MYH15: variants seen among roughly 807,000 people sequenced by gnomAD.
MYH15 encodes the protein myosin-15.
A neutral mutation model predicts 240.5 loss-of-function variants in MYH15; 227 were observed. That is an observed-to-expected ratio of 0.94 (90% CI 0.85 to 1.05). The LOEUF (loss-of-function observed/expected upper bound fraction) is 1.05. MYH15 is among the 50% of genes least tolerant of loss of function. MYH15 has a pLI of 0.00. For synonymous variants in MYH15, 785 were observed against 796.7 expected, an observed-to-expected ratio of 0.99 and a Z score of 0.25; for missense variants, 2,217 against 2,247.5, an observed-to-expected ratio of 0.99 and a Z score of 0.27.
chr3:108,445,668 T>A (rs1485346633), intron 21 of MYH15, among the ~76,000 whole-genome samples: 1 of 151,896 alleles, frequency 6.6e-6, no homozygotes, highest in Non-Finnish European at 1.5e-5. Flanking sequence ...ACAAACCACA[T>A]ATAGGAAAAT....
chr3:108,397,675 G>A (rs761914812), intron 35 of MYH15, among the ~76,000 whole-genome samples: 1 of 152,178 alleles, frequency 6.6e-6, no homozygotes, highest in East Asian at 1.9e-4. Flanking sequence ...ATAAGGAGAA[G>A]GATCTAAGAA....
At chr3:108,524,550 A>T (rs899571213) in intron 1 of MYH15, among the ~76,000 whole-genome samples, 1 of 151,974 alleles carries the variant, frequency 6.6e-6, no homozygotes, top group Non-Finnish European at 1.5e-5. Flanking sequence ...TTACAGTTAA[A>T]TATGCCTATC....
At chr3:108,437,403 A>G (rs1000148453) in intron 25 of MYH15, 151 bp downstream of exon 25, 2 of 997,838 alleles carry the variant, frequency 2.0e-6, no homozygotes, top group African/African-American at 1.7e-5. Context: ...AAGTCCAGTA[A>G]AGAAAAAAAA....
intron 3 of MYH15, 111 bp from the exon 4 acceptor site, chr3:108,500,385 C>G: frequency 8.7e-7 from 1 of 1,155,002 alleles, no homozygotes; most frequent in South Asian, 1.7e-5. Context: ...TAAAGGAACT[C>G]AGAGGGGAGC....
intron 12 of MYH15, among the ~76,000 whole-genome samples, chr3:108,474,297 T>C (rs1389013464): frequency 6.6e-6 from 1 of 151,536 alleles, no homozygotes; most frequent in African/African-American, 2.4e-5. Context: ...AGGAGGAGGA[T>C]TTTTTATTTT....
rs546507106 is a variant in MYH15 at position 108,523,400 on chromosome 3, G to A, written c.-58+5863C>T. On this transcript the variant is annotated intron_variant, in intron 1 of 41. Transcript: ENST00000273353. ...ATATATATCATACTGAAACATTACA[G>A]TATACCCTGTAAATATATGCAATTA... is the stretch of plus-strand genomic sequence containing the variant. 6.6e-5 allele frequency among the ~76,000 whole-genome samples: 10 copies of A among 152,010 alleles called. No homozygotes were observed. In the South Asian group the frequency reaches 1.5e-3, roughly 22 times the overall value.
Position 108,399,178 on chromosome 3 carries a change from TTC to T in MYH15, c.4824_4825del (p.Lys1609AspfsTer7). Reference sequence around the variant, plus strand: ...CATCTCATTGAGGTCCTCTTCCATCTTCTTCTTCAGCCGGGTAACCTCAATTC... The same window carrying T: ...CATCTCATTGAGGTCCTCTTCCATCTTTCTTCAGCCGGGTAACCTCAATTC... On this transcript the variant is annotated frameshift_variant, in exon 34 of 41. Coordinates refer to ENST00000693548, the MANE Select transcript of MYH15 (RefSeq NM_014981.3). LOFTEE classifies it high-confidence loss of function. The T allele has an allele frequency of 6.2e-7, 1 of 1,614,162 alleles. No homozygotes were observed. The highest frequency in any genetic ancestry group is 8.5e-7 in the Non-Finnish European group (1 of 1,179,970).
At chr3:108,427,635 C>CACACAGAA (rs570359637) in intron 27 of MYH15, among the ~76,000 whole-genome samples, 1 of 146,634 alleles carries the variant, frequency 6.8e-6, no homozygotes, top group Non-Finnish European at 1.5e-5. Flanking sequence ...CACACACACA[C>CACACAGAA]AGAGAGAGAG....
At chr3:108,515,113 C>T (rs571991115), upstream of MYH15, among the ~76,000 whole-genome samples, 14 of 152,318 alleles carry the variant, frequency 9.2e-5, no homozygotes, top group South Asian at 2.9e-3. Context: ...GTAGCCATGT[C>T]TGTAAGGTGA....
intron 1 of MYH15, among the ~76,000 whole-genome samples, chr3:108,521,846 A>G (rs2045096): frequency 0.14 from 21,862 of 152,126 alleles, 1,867 homozygotes; most frequent in East Asian, 0.39. Flanking sequence ...AAAGTGCCCT[A>G]CTTGGCCTTT....
intron 9 of MYH15, among the ~76,000 whole-genome samples, chr3:108,490,065 T>A (rs564001595): frequency 3.3e-5 from 5 of 152,286 alleles, no homozygotes; most frequent in Non-Finnish European, 4.4e-5. Context: ...CCACATTAGA[T>A]CTTACGTGTC....
At position 108,405,925 on chromosome 3, in the gene MYH15, T is replaced by C. The variant is rs139965940; in HGVS notation, c.4621-472A>G. On this transcript the variant is annotated intron_variant, in intron 32 of 40. Transcript: ENST00000693548. ...ATTCAGAGAACAAACAACAGGGTAG[T>C]GTCCAAATATTGTCATATGAAGAAC... is the stretch of plus-strand genomic sequence containing the variant. 1.1e-4 allele frequency among the ~76,000 whole-genome samples: 17 copies of C among 152,326 alleles called. No homozygotes were observed. In the East Asian group the frequency reaches 2.7e-3, roughly 24 times the overall value.
At chr3:108,386,446 G>A (rs959106110) in intron 38 of MYH15, among the ~76,000 whole-genome samples, 6 of 152,262 alleles carry the variant, frequency 3.9e-5, no homozygotes, top group South Asian at 2.1e-4. Context: ...TTTGGGACCC[G>A]CCACAGCATT....
chr3:108,541,283 A>G, the MYH15 span, among the ~76,000 whole-genome samples: 2 of 152,002 alleles, frequency 1.3e-5, no homozygotes, highest in Non-Finnish European at 2.9e-5. Flanking sequence ...ATAAAATACT[A>G]AAACATTATC....
At chr3:108,492,425 C>T in intron 9 of MYH15, 75 bp downstream of exon 9, 3 of 1,081,748 alleles carry the variant, frequency 2.8e-6, no homozygotes, top group Non-Finnish European at 4.1e-6. Context: ...TACCGAATAA[C>T]ACTTTTTCAT....
rs376429464 is a variant in MYH15 at position 108,391,900 on chromosome 3, T to G, written c.5290A>C (p.Lys1764Gln). Residue 1764 changes from lysine (K) to glutamine (Q), a missense_variant, in exon 37 of 41, where the codon AAG (lysine) becomes CAG (glutamine). Coordinates refer to ENST00000693548, the MANE Select transcript of MYH15 (RefSeq NM_014981.3). ...AANLSEELKKKQDTIAHLERT... is the reference protein window; with the variant it reads ...AANLSEELKKQQDTIAHLERT... Reference sequence around the variant, plus strand: ...TCCAAGTGGGCAATGGTGTCTTGCTTCTTCTTCAGTTCTTCTGACAAGTTT... The same window carrying G: ...TCCAAGTGGGCAATGGTGTCTTGCTGCTTCTTCAGTTCTTCTGACAAGTTT... 8 of 1,614,116 alleles carry G rather than the reference T, an allele frequency of 5.0e-6. No individual in the cohort carries two copies. The African/African-American group carries it at 8.0e-5, about 16-fold the overall frequency.
chr3:108,492,461 G>T, intron 9 of MYH15, 39 bp downstream of exon 9: 1 of 1,453,982 alleles, frequency 6.9e-7, no homozygotes, highest in Admixed American at 1.9e-5. Flanking sequence ...TATTTTTCTT[G>T]TTTTGGAATA....
At position 108,383,656 on chromosome 3, in the gene MYH15, G is replaced by T. The variant is rs2107530959; in HGVS notation, c.5705C>A (p.Ala1902Glu). The T allele has an allele frequency of 6.2e-7, 1 of 1,611,432 alleles. No homozygotes were observed. Among genetic ancestry groups the T allele is most frequent in the East Asian group, 2.2e-5 (1 of 44,730 alleles). Reference protein sequence around the residue: ...QHELNEVKERAEVAESQVNKL... With the variant: ...QHELNEVKEREEVAESQVNKL... ...ATTGACTTGAGATTCTGCCACCTCT[G>T]CCCTTTCCTTCACTTCATTCAACTC... The change falls in exon 40 of 41, where the codon GCA becomes GAA. Residue 1902 changes from alanine to glutamate, a missense_variant. Coordinates refer to ENST00000693548, the MANE Select transcript of MYH15 (RefSeq NM_014981.3).
rs143578153 is a variant in MYH15, at chr3:108,488,067, C to CT, written c.872-1542dup. On this transcript the variant is annotated intron_variant, in intron 9 of 40. Coordinates refer to ENST00000693548, the MANE Select transcript of MYH15 (RefSeq NM_014981.3). Reference sequence around the variant, plus strand: ...AGTAATGTATCTGTCATTTCACATACTTTTTTTTTTGTGGTGAGAATATTT... The same window carrying CT: ...AGTAATGTATCTGTCATTTCACATACTTTTTTTTTTTGTGGTGAGAATATTT... Among the ~76,000 whole-genome samples, 1,170 of 147,702 alleles carry CT rather than the reference C, an allele frequency of 7.9e-3. 20 individuals are homozygous for CT. The highest frequency in any genetic ancestry group is 0.027 in the African/African-American group (1,088 of 40,456).
Sources: gnomAD v4.1 joint callset for allele counts (sites outside exome capture counted in the v4.1 genomes callset) on GRCh38, gnomAD v4.1.1 for gene constraint, MANE v1.5 for transcripts, NCBI Gene and HGNC (gene_info 2026-07-23, HGNC 2026-07-21) for gene names.